Variants in ZSCAN22 observed in about 807,000 individuals in gnomAD.
The protein encoded by ZSCAN22 is zinc finger and SCAN domain-containing protein 22.
ZSCAN22 carries 7 observed loss-of-function variants against 12.4 expected under a neutral mutation model. The ratio of observed to expected loss-of-function variants is 0.57; its 90% CI spans 0.32 to 1.06. The LOEUF (loss-of-function observed/expected upper bound fraction) is 1.06. ZSCAN22 is among the 50% of genes least tolerant of loss of function. The pLI, the probability that ZSCAN22 is intolerant of heterozygous loss-of-function variation, is 0.04. For synonymous variants in ZSCAN22, 243 were observed against 255.9 expected, an observed-to-expected ratio of 0.95 and a Z score of 0.48; for missense variants, 576 against 631.7, an observed-to-expected ratio of 0.91 and a Z score of 0.94.
At chr19:58,330,063 C>T (rs765927506) in intron 1 of ZSCAN22, among the ~76,000 whole-genome samples, 47 of 152,150 alleles carry the variant, frequency 3.1e-4, no homozygotes, top group Admixed American at 1.0e-3. Context: ...CTGAGGTGGG[C>T]GGAACATGAG....
In ZSCAN22 at chr19:58,338,925, A is replaced by C. The variant is rs748991975; in HGVS notation, c.1075A>C (p.Lys359Gln). Residue 359 changes from lysine to glutamine, a missense_variant, in exon 3 of 3, where the codon AAA becomes CAA. Transcript: ENST00000329665. The surrounding 1 kb of genome is among the most constrained non-coding windows in gnomAD (Gnocchi z 5.4). ...ACCCTACAAATGTGGGGAATGTGGT[A>C]AAACCTTCAGCCGCAGCACTCACCT... ...EKPYKCGECG[K>Q]TFSRSTHLTQ... 4.3e-6 allele frequency: 7 copies of C among 1,614,124 alleles called. No individual in the cohort carries two copies. The highest frequency in any genetic ancestry group is 5.1e-6 in the Non-Finnish European group (6 of 1,180,038).
Position 58,342,004 on chromosome 19 carries a change from T to C in ZSCAN22, c.*2678T>C, listed in dbSNP as rs2051881893. On this transcript the variant is annotated 3_prime_UTR_variant, in exon 3 of 3. Transcript: ENST00000329665. The stretch of plus-strand genomic sequence containing the variant: ...CTTTGCCTCCTACTTGCTCAGTCTC[T>C]GTCACAAGAACTGGATCTCCATCCC... 6.6e-6 allele frequency: 1 copy of C among 152,276 alleles called. No homozygotes were observed. Among genetic ancestry groups the C allele is most frequent in the Admixed American group, 6.5e-5 (1 of 15,278 alleles). 9.4% of individuals were successfully genotyped at this position (152,276 alleles called of 1,614,324 possible). A position where few individuals can be genotyped will look rare whatever the true frequency, so the allele number is the denominator to read the frequency against.
rs2051833115 is a variant in ZSCAN22 at position 58,338,877 on chromosome 19, C to G, written c.1027C>G (p.Gln343Glu). The stretch of plus-strand genomic sequence containing the variant: ...CCGAGTCACCCACCTGACTCAGCAC[C>G]AAAGGATTCATACTGGAGAGAAACC... The part of the protein sequence containing the change: ...FSRVTHLTQH[Q>E]RIHTGEKPYK... The change falls in exon 3 of 3, where the codon CAA (glutamine) becomes GAA (glutamate). Residue 343 changes from glutamine (Q) to glutamate (E), a missense_variant. Physicochemically the swap from Gln to Glu is conservative, Grantham distance 29 (BLOSUM62 2). Transcript: ENST00000329665. The surrounding 1 kb of genome is among the most constrained non-coding windows in gnomAD (Gnocchi z 5.4). 1 of 1,613,548 alleles carries G rather than the reference C, an allele frequency of 6.2e-7. No homozygotes were observed. The highest frequency in any genetic ancestry group is 8.5e-7 in the Non-Finnish European group (1 of 1,179,838).
In ZSCAN22 at chr19:58,338,180, G is replaced by T; in HGVS notation, c.404-74G>T. The T allele has an allele frequency of 7.2e-7, 1 of 1,379,342 alleles. No homozygotes were observed. Among genetic ancestry groups the T allele is most frequent in the South Asian group, 1.4e-5 (1 of 71,856 alleles). The allele number at this position is 1,379,342 out of a possible 1,614,324, so 85.4% of individuals were successfully genotyped here. A position where few individuals can be genotyped will look rare whatever the true frequency, so the allele number is the denominator to read the frequency against. ...GGCCACATCTCCCCTTACAAAGTGT[G>T]ACCGGGGCCCTCGGCAGAGTAGGGG... On this transcript the variant is annotated intron_variant, in intron 2 of 2. Transcript: ENST00000329665. This position sits in a 1 kb window ranked among gnomAD's most constrained non-coding sequence, Gnocchi z 5.4.
chr19:58,333,715 A>G (rs1344299067), intron 1 of ZSCAN22, among the ~76,000 whole-genome samples: 1 of 152,204 alleles, frequency 6.6e-6, no homozygotes, highest in Non-Finnish European at 1.5e-5. Context: ...ATGGTGGTGC[A>G]CACCTGTAGT....
rs911977368 is a variant in ZSCAN22 at position 58,335,310 on chromosome 19, C to T, written c.403+105C>T. On this transcript the variant is annotated intron_variant, in intron 2 of 2. Transcript: ENST00000329665. This position sits in a 1 kb window ranked among gnomAD's most constrained non-coding sequence, Gnocchi z 4.1. The stretch of plus-strand genomic sequence containing the variant: ...TTGGGGTTGCTCATGCACCCATTCT[C>T]ACATTTGTACTTTACCGTAACTCTC... The T allele has an allele frequency of 2.2e-6, 3 of 1,355,120 alleles. No homozygotes were observed. The highest frequency in any genetic ancestry group is 9.8e-7 in the Non-Finnish European group (1 of 1,019,818). 83.9% of individuals were successfully genotyped at this position (1,355,120 alleles called of 1,614,324 possible).
chr19:58,339,494 G>C lies in ZSCAN22; in HGVS notation c.*168G>C. The C allele has an allele frequency of 1.6e-6, 1 of 643,788 alleles. No homozygotes were observed. Among genetic ancestry groups the C allele is most frequent in the South Asian group, 2.1e-5 (1 of 48,052 alleles). The allele number at this position is 643,788 out of a possible 1,614,324, so 39.9% of individuals were successfully genotyped here. ...GCTGTCTAGGAACCACTCTGCATTT[G>C]AGGAACCCTGATGAGCACAAGGTGA... On this transcript the variant is annotated 3_prime_UTR_variant, in exon 3 of 3. Transcript: ENST00000329665. This position sits in a 1 kb window ranked among gnomAD's most constrained non-coding sequence, Gnocchi z 5.6.
chr19:58,336,520 GAGGA>G (rs751926631), intron 2 of ZSCAN22, among the ~76,000 whole-genome samples: 7 of 152,220 alleles, frequency 4.6e-5, no homozygotes, highest in Non-Finnish European at 8.8e-5. Flanking sequence ...TTTCTGGATA[GAGGA>G]AGGAAGGGGG....
intron 1 of ZSCAN22, among the ~76,000 whole-genome samples, chr19:58,333,755 G>A (rs111430315): frequency 2.6e-5 from 4 of 152,200 alleles, no homozygotes; most frequent in African/African-American, 9.7e-5. Context: ...GAGGCAGGAG[G>A]ATTGCTTGAA....
Position 58,339,085 on chromosome 19 carries a change from C to A in ZSCAN22, c.1235C>A (p.Ala412Glu). ...HTGEKPYKCD[A>E]CGRAFSDCSA... ...GGGGAGAAGCCCTACAAGTGTGACG[C>A]GTGTGGCCGAGCCTTCAGCGACTGC... The change falls in exon 3 of 3, where the codon GCG (alanine) becomes GAG (glutamate). Residue 412 changes from alanine (A) to glutamate (E), a missense_variant. Physicochemically the swap from Ala to Glu is moderately radical, Grantham distance 107. Coordinates refer to ENST00000329665, the MANE Select transcript of ZSCAN22 (RefSeq NM_181846.3). The surrounding 1 kb of genome is among the most constrained non-coding windows in gnomAD (Gnocchi z 5.6). 6.2e-7 allele frequency: 1 copy of A among 1,614,232 alleles called. No homozygotes were observed. The highest frequency in any genetic ancestry group is 8.5e-7 in the Non-Finnish European group (1 of 1,180,040).
intron 1 of ZSCAN22, among the ~76,000 whole-genome samples, chr19:58,330,974 A>C (rs1293514894): frequency 6.6e-6 from 1 of 152,238 alleles, no homozygotes; most frequent in Non-Finnish European, 1.5e-5. Context: ...GTATGTGCCC[A>C]GCAATGCTGT....
At chr19:58,331,711 A>AT (rs888064256) in intron 1 of ZSCAN22, among the ~76,000 whole-genome samples, 2 of 149,698 alleles carry the variant, frequency 1.3e-5, no homozygotes, top group Non-Finnish European at 3.0e-5. Context: ...CGCCCAGCTA[A>AT]TTTTTTTGTA....
intron 1 of ZSCAN22, among the ~76,000 whole-genome samples, chr19:58,333,363 A>G (rs539468313): frequency 6.6e-6 from 1 of 152,344 alleles, no homozygotes; most frequent in African/African-American, 2.4e-5. Flanking sequence ...ATTTTCAAGT[A>G]TTCATGGAAC....
chr19:58,328,165 T>C (rs1010690812), intron 1 of ZSCAN22, among the ~76,000 whole-genome samples: 3 of 152,166 alleles, frequency 2.0e-5, no homozygotes, highest in Non-Finnish European at 4.4e-5. Flanking sequence ...CTGTGTTTAT[T>C]TGACTGATTA....
chr19:58,338,466 A>G lies in ZSCAN22; in HGVS notation c.616A>G (p.Lys206Glu). The change falls in exon 3 of 3, where the codon AAA (lysine) becomes GAA (glutamate). Residue 206 changes from lysine (K) to glutamate (E), a missense_variant. Transcript: ENST00000329665. The surrounding 1 kb of genome is among the most constrained non-coding windows in gnomAD (Gnocchi z 5.4). ...TGTCACCCAACAGATCCACTTCAAGAAAACTTCAGGGCCTTACAAGGATGT... is the reference window on the plus strand; with the variant it reads ...TGTCACCCAACAGATCCACTTCAAGGAAACTTCAGGGCCTTACAAGGATGT... ...KSVTQQIHFKKTSGPYKDVPT... is the reference protein window; with the variant it reads ...KSVTQQIHFKETSGPYKDVPT... 1 of 1,614,200 alleles carries G rather than the reference A, an allele frequency of 6.2e-7. No homozygotes were observed.
In ZSCAN22 at chr19:58,335,017, C is replaced by T. The variant is rs139579517; in HGVS notation, c.215C>T (p.Ala72Val). ...GPHEALAHLR[A>V]LCCQWLQPEA... ...CACGAGGCCCTGGCCCACCTCCGAG[C>T]GCTGTGCTGTCAGTGGCTGCAGCCC... Residue 72 changes from alanine (A) to valine (V), a missense_variant, in exon 2 of 3, where the codon GCG (alanine) becomes GTG (valine). Ala to Val is a moderately conservative substitution (Grantham distance 64). Transcript: ENST00000329665. This position sits in a 1 kb window ranked among gnomAD's most constrained non-coding sequence, Gnocchi z 4.1. The T allele has an allele frequency of 5.2e-4, 846 of 1,614,002 alleles. No individual in the cohort carries two copies. Among genetic ancestry groups the T allele is most frequent in the Non-Finnish European group, 6.4e-4 (758 of 1,180,046 alleles).
rs771409862 is a variant in ZSCAN22 at position 58,335,047 on chromosome 19, C to G, written c.245C>G (p.Ala82Gly). The G allele has an allele frequency of 6.8e-6, 11 of 1,613,924 alleles. No homozygotes were observed. The highest frequency in any genetic ancestry group is 9.3e-6 in the Non-Finnish European group (11 of 1,180,052). Residue 82 changes from alanine to glycine, a missense_variant, in exon 2 of 3, where the codon GCG becomes GGG. Physicochemically the swap from Ala to Gly is moderately conservative, Grantham distance 60. Transcript: ENST00000329665. The surrounding 1 kb of genome is among the most constrained non-coding windows in gnomAD (Gnocchi z 4.1). Reference sequence around the variant, plus strand: ...TGCTGTCAGTGGCTGCAGCCCGAGGCGCACTCCAAGGAGCAGATACTGGAG... The same window carrying G: ...TGCTGTCAGTGGCTGCAGCCCGAGGGGCACTCCAAGGAGCAGATACTGGAG... ...ALCCQWLQPE[A>G]HSKEQILELL... is the part of the protein sequence containing the mutation.
In ZSCAN22 at chr19:58,341,397, A is replaced by C. The variant is rs1276304705; in HGVS notation, c.*2071A>C. The C allele has an allele frequency of 6.6e-6, 1 of 152,060 alleles. No homozygotes were observed. The highest frequency in any genetic ancestry group is 1.5e-5 in the Non-Finnish European group (1 of 68,034). The allele number at this position is 152,060 out of a possible 1,614,324, so 9.4% of individuals were successfully genotyped here. On this transcript the variant is annotated 3_prime_UTR_variant, in exon 3 of 3. Coordinates refer to ENST00000329665, the MANE Select transcript of ZSCAN22 (RefSeq NM_181846.3). ...GCTGCAGCTTCTGTTCATTACTGTT[A>C]GTGTATCATTCTTCATGCCTCTGTT...
At position 58,342,258 on chromosome 19, in the gene ZSCAN22, A is replaced by C. The variant is rs530563870; in HGVS notation, c.*2932A>C. ...AACTGACCAAAGTCACACTGCCAGG[A>C]ACTGGAAGCACTAGGATTTGACAGC... On this transcript the variant is annotated 3_prime_UTR_variant, in exon 3 of 3. Transcript: ENST00000329665. The C allele has an allele frequency of 6.6e-6, 1 of 152,350 alleles. No homozygotes were observed. The highest frequency in any genetic ancestry group is 2.4e-5 in the African/African-American group (1 of 41,580). The allele number at this position is 152,350 out of a possible 1,614,324, so 9.4% of individuals were successfully genotyped here. A position where few individuals can be genotyped will look rare whatever the true frequency, so the allele number is the denominator to read the frequency against.
Sources: gnomAD v4.1 joint callset for allele counts (sites outside exome capture counted in the v4.1 genomes callset) on GRCh38, gnomAD v4.1.1 for gene constraint, Gnocchi (gnomAD v3.1) non-coding constraint, MANE v1.5 for transcripts, NCBI Gene and HGNC (gene_info 2026-07-23, HGNC 2026-07-21) for gene names.